The following PRKN variants were observed in gnomAD, a reference collection of about 807,000 sequenced individuals.
PRKN encodes parkin RBR E3 ubiquitin protein ligase.
In PRKN, 56 loss-of-function variants were observed where a neutral mutation model predicts 59.5. That is an observed-to-expected ratio of 0.94 (90% CI 0.76 to 1.18). The LOEUF (loss-of-function observed/expected upper bound fraction) is 1.18. Among genes scored for constraint, PRKN ranks in the 50% most tolerant of loss-of-function variants. The pLI, the probability that PRKN is intolerant of heterozygous loss-of-function variation, is 0.00. For synonymous variants in PRKN, 250 were observed against 222.1 expected, an observed-to-expected ratio of 1.13 and a Z score of -1.12; for missense variants, 657 against 596.4, an observed-to-expected ratio of 1.10 and a Z score of -1.06.
chr6:162,021,461 A>ATATATATATATTT (rs59250759), intron 5 of PRKN, among the ~76,000 whole-genome samples: 51 of 24,640 alleles, frequency 2.1e-3, no homozygotes, highest in African/African-American at 4.6e-3. Context: ...ATATATATAT[A>ATATATATATATTT]TTTTTTTTTT....
rs553414372 is a variant in PRKN at position 161,586,604 on chromosome 6, A to G, written c.872-17188T>C. Among the ~76,000 whole-genome samples the G allele has an allele frequency of 1.3e-4, 19 of 151,908 alleles. 1 individual carries two copies. The South Asian group carries it at 3.8e-3, about 30-fold the overall frequency. On this transcript the variant is annotated intron_variant, in intron 7 of 11. Coordinates refer to ENST00000366898, the MANE Select transcript of PRKN (RefSeq NM_004562.3). Reference sequence around the variant, plus strand: ...GTTCTTCCTACTGCTATTTCCACTGAAAAAAAAATTCTCTTTCATGTGTCC... The same window carrying G: ...GTTCTTCCTACTGCTATTTCCACTGGAAAAAAAATTCTCTTTCATGTGTCC...
chr6:162,512,608 G>A (rs572585764), intron 1 of PRKN, among the ~76,000 whole-genome samples: 1 of 152,288 alleles, frequency 6.6e-6, no homozygotes, highest in South Asian at 2.1e-4. Flanking sequence ...TCATGCATAA[G>A]TGGCAACAAT....
chr6:162,446,012 T>C (rs1790300741), intron 1 of PRKN, among the ~76,000 whole-genome samples: 2 of 152,040 alleles, frequency 1.3e-5, no homozygotes, highest in Non-Finnish European at 2.9e-5. Context: ...AGTGACAAAG[T>C]GCTCCAAATA....
intron 3 of PRKN, among the ~76,000 whole-genome samples, chr6:162,256,115 A>T (rs1562618542): frequency 1.3e-5 from 2 of 152,330 alleles, no homozygotes; most frequent in South Asian, 2.1e-4. Context: ...CATTTGGAAA[A>T]TTAATTATAG....
intron 7 of PRKN, among the ~76,000 whole-genome samples, chr6:161,632,231 A>G (rs1286161782): frequency 1.3e-5 from 2 of 152,090 alleles, no homozygotes; most frequent in Non-Finnish European, 2.9e-5. Flanking sequence ...ATTTTTGTTC[A>G]TTAGCATAGA....
intron 2 of PRKN, among the ~76,000 whole-genome samples, chr6:162,370,673 A>C: frequency 6.6e-6 from 1 of 152,188 alleles, no homozygotes; most frequent in South Asian, 2.1e-4. Context: ...ATTCCATGCA[A>C]TATTTCTCTG....
rs1780471938 is a variant in PRKN at position 161,561,966 on chromosome 6, A to G, written c.933+7389T>C. Among the ~76,000 whole-genome samples the G allele has an allele frequency of 1.3e-5, 2 of 152,182 alleles. No homozygotes were observed. On this transcript the variant is annotated intron_variant, in intron 8 of 11. Coordinates refer to ENST00000366898, the MANE Select transcript of PRKN (RefSeq NM_004562.3). The surrounding 1 kb of genome is among the most constrained non-coding windows in gnomAD (Gnocchi z 5.0). ...ACTTTTGCCACAGTGTCACAGGCGA[A>G]GGACGCTCCCTGACCTCATCTTCTG...
At chr6:162,527,564 AAC>A (rs1778337933) in intron 1 of PRKN, among the ~76,000 whole-genome samples, 1 of 152,208 alleles carries the variant, frequency 6.6e-6, no homozygotes, top group African/African-American at 2.4e-5. Flanking sequence ...TTTCTAGATG[AAC>A]AGTTTACTAA....
At chr6:162,618,757 C>A (rs1340627290) in intron 1 of PRKN, among the ~76,000 whole-genome samples, 1 of 152,216 alleles carries the variant, frequency 6.6e-6, no homozygotes, top group Non-Finnish European at 1.5e-5. Flanking sequence ...AACTCCCCCC[C>A]AAAAGTTAAT....
chr6:161,913,499 A>G (rs1246436329), intron 6 of PRKN, among the ~76,000 whole-genome samples: 1 of 152,238 alleles, frequency 6.6e-6, no homozygotes, highest in East Asian at 1.9e-4. Flanking sequence ...AAGATATTTA[A>G]AAGTTTAACA....
intron 1 of PRKN, among the ~76,000 whole-genome samples, chr6:162,691,212 A>T (rs1184199545): frequency 6.6e-6 from 1 of 152,150 alleles, no homozygotes; most frequent in South Asian, 2.1e-4. Context: ...ATAGTTGGAA[A>T]TGTAAAGCAA....
chr6:162,407,494 G>T lies in PRKN; in HGVS notation c.171+35816C>A, dbSNP rs77742184. Among the ~76,000 whole-genome samples, 69 of 152,292 alleles carry T rather than the reference G, an allele frequency of 4.5e-4. No individual in the cohort carries two copies. In the East Asian group the frequency reaches 0.012, roughly 26 times the overall value. ...CATTGTAGCAGATGTGTCAACTGAA[G>T]ATCACTACCCATTAAAATCAAACAA... On this transcript the variant is annotated intron_variant, in intron 2 of 11. Transcript: ENST00000366898.
chr6:162,484,870 G>A (rs1349748359), intron 1 of PRKN, among the ~76,000 whole-genome samples: 2 of 152,038 alleles, frequency 1.3e-5, no homozygotes, highest in East Asian at 3.9e-4. Context: ...TACATTAAAT[G>A]GTTTTCTTCA....
chr6:162,721,572 C>T (rs1778943753), intron 1 of PRKN, among the ~76,000 whole-genome samples: 2 of 152,290 alleles, frequency 1.3e-5, no homozygotes, highest in Non-Finnish European at 1.5e-5. Flanking sequence ...TTAACTCCTA[C>T]TTGTCCTGCA....
Position 161,461,899 on chromosome 6 carries a change from G to A in PRKN, c.1084-75022C>T, listed in dbSNP as rs1211568382. On this transcript the variant is annotated intron_variant, in intron 9 of 11. Coordinates refer to ENST00000366898, the MANE Select transcript of PRKN (RefSeq NM_004562.3). The surrounding 1 kb of genome is among the most constrained non-coding windows in gnomAD (Gnocchi z 5.1). ...CAGAACTGCAGAAATACACGAGAAG[G>A]TCTGAGGGAGGGCTTGGCTTGAAGA... is the stretch of plus-strand genomic sequence containing the variant. Among the ~76,000 whole-genome samples, 2 of 152,138 alleles carry A rather than the reference G, an allele frequency of 1.3e-5. No individual in the cohort carries two copies. Among genetic ancestry groups the A allele is most frequent in the South Asian group, 2.1e-4 (1 of 4,828 alleles).
At chr6:162,511,181 G>T (rs1463041127) in intron 1 of PRKN, among the ~76,000 whole-genome samples, 1 of 151,258 alleles carries the variant, frequency 6.6e-6, no homozygotes, top group Non-Finnish European at 1.5e-5. Flanking sequence ...TTTTCTTTGT[G>T]TCTGCCTAAT....
intron 7 of PRKN, among the ~76,000 whole-genome samples, chr6:161,768,383 T>C (rs966129497): frequency 2.6e-5 from 4 of 152,200 alleles, no homozygotes; most frequent in African/African-American, 7.2e-5. Context: ...TCTCTTTCCA[T>C]AGGTAGCAGC....
At chr6:161,679,421 G>T (rs1270740861) in intron 7 of PRKN, among the ~76,000 whole-genome samples, 1 of 152,034 alleles carries the variant, frequency 6.6e-6, no homozygotes, top group Non-Finnish European at 1.5e-5. Context: ...TCTGACCCCT[G>T]AGCCACACTC....
intron 1 of PRKN, among the ~76,000 whole-genome samples, chr6:162,608,287 CAG>C (rs1303021587): frequency 2.0e-5 from 3 of 152,124 alleles, no homozygotes; most frequent in Non-Finnish European, 2.9e-5. Context: ...GTCCCAGTGA[CAG>C]GGGTTGAAAG....
Sources: gnomAD v4.1 joint callset for allele counts (sites outside exome capture counted in the v4.1 genomes callset) on GRCh38, gnomAD v4.1.1 for gene constraint, Gnocchi (gnomAD v3.1) non-coding constraint, MANE v1.5 for transcripts, NCBI Gene and HGNC (gene_info 2026-07-23, HGNC 2026-07-21) for gene names.